Variants in CDH5 observed in about 807,000 individuals in gnomAD.
The protein encoded by CDH5 is cadherin-5.
CDH5 carries 28 observed loss-of-function variants against 62.0 expected under a neutral mutation model. That is an observed-to-expected ratio of 0.45 (90% CI 0.33 to 0.62). CDH5 has a LOEUF of 0.62. Among genes scored for constraint, CDH5 ranks in the 20% least tolerant of loss-of-function variants. The pLI, the probability that CDH5 is intolerant of heterozygous loss-of-function variation, is 0.02. For synonymous variants in CDH5, 464 were observed against 445.8 expected (o/e 1.04, Z -0.52); for missense variants, 940 against 1,065.1 (o/e 0.88, Z 1.63).
chr16:66,390,378 C>A, intron 5 of CDH5, 25 bp from the exon 6 acceptor site: 1 of 1,594,442 alleles, frequency 6.3e-7, no homozygotes, highest in East Asian at 2.2e-5. Context: ...ACCCAAAGCC[C>A]TTTGGGGTGC....
rs1466312476 is a variant in CDH5, at chr16:66,386,821, G to A, written c.223G>A (p.Val75Met). The A allele has an allele frequency of 2.5e-6, 4 of 1,609,612 alleles. No homozygotes were observed. Among genetic ancestry groups the A allele is most frequent in the African/African-American group, 2.7e-5 (2 of 74,866 alleles). ...TCTTCTTTTCTAGATCAAGTCAAGC[G>A]TGAGTCGCAAGAATGCCAAGTACCT... ...PHHVGKIKSS[V>M]SRKNAKYLLK... Residue 75 changes from valine to methionine, a missense_variant, in exon 3 of 12, where the codon GTG (valine) becomes ATG (methionine). Physicochemically the swap from Val to Met is conservative, Grantham distance 21. Coordinates refer to ENST00000341529, the MANE Select transcript of CDH5 (RefSeq NM_001795.5).
intron 3 of CDH5, 25 bp downstream of exon 3, chr16:66,387,122 T>TC (rs1961000593): frequency 6.3e-7 from 1 of 1,593,256 alleles, no homozygotes; most frequent in Non-Finnish European, 8.6e-7. Flanking sequence ...CACTCTGTCC[T>TC]CCTCCCTCCC....
chr16:66,373,049 C>T (rs1369262251), intron 1 of CDH5, among the ~76,000 whole-genome samples: 1 of 152,170 alleles, frequency 6.6e-6, no homozygotes, highest in African/African-American at 2.4e-5. Flanking sequence ...TCCCTGCTCA[C>T]CACTGTGATC....
intron 2 of CDH5, among the ~76,000 whole-genome samples, chr16:66,385,934 C>A (rs1960974862): frequency 6.6e-6 from 1 of 152,218 alleles, no homozygotes; most frequent in Non-Finnish European, 1.5e-5. Flanking sequence ...GCCAGCACAC[C>A]ACTGGCTAGG....
intron 1 of CDH5, chr16:66,379,108 G>A (rs892692696): frequency 2.8e-5 from 15 of 545,134 alleles, no homozygotes; most frequent in East Asian, 6.0e-5. Context: ...TCTTAAATGC[G>A]CTTGTTTACT....
intron 6 of CDH5, 139 bp from the exon 7 acceptor site, chr16:66,391,997 T>G: frequency 1.0e-6 from 1 of 990,260 alleles, no homozygotes; most frequent in Non-Finnish European, 1.5e-6. Context: ...CTCAGAAATA[T>G]CACTTGTCGA....
Position 66,398,687 on chromosome 16 carries a change from A to G in CDH5, c.1591+126A>G. 1.9e-5 allele frequency: 11 copies of G among 585,496 alleles called. No individual in the cohort carries two copies. In the South Asian group the frequency reaches 2.0e-4, roughly 11 times the overall value. 36.3% of individuals were successfully genotyped at this position (585,496 alleles called of 1,614,324 possible). A position where few individuals can be genotyped will look rare whatever the true frequency, so the allele number is the denominator to read the frequency against. On this transcript the variant is annotated intron_variant, in intron 10 of 11. Coordinates refer to ENST00000341529, the MANE Select transcript of CDH5 (RefSeq NM_001795.5). ...TTTGAGGCTGCAGTGAGCTATGATC[A>G]CATCACTGCACTCCAGCCCGGGCGA...
rs144031976 is a variant in CDH5, at chr16:66,375,972, G to A, written c.-19-3347G>A. ...AAATACAAAAAAAAATTGGCCGGGCGTGGTGTCACGCGCCTGTAATCCCAG... is the reference window on the plus strand; with the variant it reads ...AAATACAAAAAAAAATTGGCCGGGCATGGTGTCACGCGCCTGTAATCCCAG... On this transcript the variant is annotated intron_variant, in intron 1 of 11. Transcript: ENST00000341529. 6.4e-3 allele frequency among the ~76,000 whole-genome samples: 974 copies of A among 152,170 alleles called. 11 individuals are homozygous for A. Among genetic ancestry groups the A allele is most frequent in the Non-Finnish European group, 0.011 (739 of 67,974 alleles).
Position 66,388,361 on chromosome 16 carries a change from C to G in CDH5, c.537C>G (p.Asp179Glu). ...TCTCTGTGACAGCAGTGGATGCAGA[C>G]GACCCCACTGTGGGAGACCACGCCT... Reference protein sequence around the residue: ...SVISVTAVDADDPTVGDHASV... With the variant: ...SVISVTAVDAEDPTVGDHASV... Residue 179 changes from aspartate to glutamate, a missense_variant, in exon 4 of 12, where the codon GAC (aspartate) becomes GAG (glutamate). Physicochemically the swap from Asp to Glu is conservative, Grantham distance 45. Transcript: ENST00000341529. The G allele has an allele frequency of 6.2e-7, 1 of 1,613,784 alleles. No individual in the cohort carries two copies. Among genetic ancestry groups the G allele is most frequent in the Non-Finnish European group, 8.5e-7 (1 of 1,179,660 alleles).
At position 66,378,259 on chromosome 16, in the gene CDH5, A is replaced by G. The variant is rs145408554; in HGVS notation, c.-19-1060A>G. The stretch of plus-strand genomic sequence containing the variant: ...GAGAAGGCTTTAAATCTTACCCCAT[A>G]GCAGCTGCTGGGACAAGGGAAGTCA... On this transcript the variant is annotated intron_variant, in intron 1 of 11. Coordinates refer to ENST00000341529, the MANE Select transcript of CDH5 (RefSeq NM_001795.5). Among the ~76,000 whole-genome samples, 326 of 152,278 alleles carry G rather than the reference A, an allele frequency of 2.1e-3. 1 individual carries two copies. Among genetic ancestry groups the G allele is most frequent in the Non-Finnish European group, 2.8e-3 (190 of 68,018 alleles).
rs532656789 is a variant in CDH5, at chr16:66,398,097, C to T, written c.1476C>T (p.Val492=). The T allele has an allele frequency of 2.5e-6, 4 of 1,614,198 alleles. No individual in the cohort carries two copies. In the South Asian group the frequency reaches 4.4e-5, roughly 18 times the overall value. Residue 492 remains valine (V), a synonymous_variant, in exon 9 of 12, where the codon GTC becomes GTT. Transcript: ENST00000341529. Reference sequence around the variant, plus strand: ...AGCCCAAAGTGTGTGAGAACGCTGTCCATGGCCAGGTGAGTCTGGTTCAGG... The same window carrying T: ...AGCCCAAAGTGTGTGAGAACGCTGTTCATGGCCAGGTGAGTCTGGTTCAGG... ...PYQPKVCENA[V]HGQLVLQISA... is the part of the protein sequence containing the mutation.
At chr16:66,395,021 T>TC (rs1567467175) in intron 7 of CDH5, among the ~76,000 whole-genome samples, 1 of 44,528 alleles carries the variant, frequency 2.2e-5, no homozygotes. Context: ...GGCTAATCTT[T>TC]TTTTTTTTTT....
chr16:66,403,279 C>T lies in CDH5; in HGVS notation c.*110C>T, dbSNP rs1961332112. 1.0e-6 allele frequency: 1 copy of T among 991,886 alleles called. No homozygotes were observed. The highest frequency in any genetic ancestry group is 1.5e-6 in the Non-Finnish European group (1 of 682,744). The allele number at this position is 991,886 out of a possible 1,614,324, so 61.4% of individuals were successfully genotyped here. ...TGGCAGTGACTCCCCAGCCCAGCAC[C>T]CCTTCCTCGTGGGTCCCAGAGACCT... is the stretch of plus-strand genomic sequence containing the variant. On this transcript the variant is annotated 3_prime_UTR_variant, in exon 12 of 12. Coordinates refer to ENST00000341529, the MANE Select transcript of CDH5 (RefSeq NM_001795.5). The surrounding 1 kb of genome is among the most constrained non-coding windows in gnomAD (Gnocchi z 4.3).
intron 1 of CDH5, among the ~76,000 whole-genome samples, chr16:66,375,098 A>G (rs1189385470): frequency 6.6e-6 from 1 of 152,106 alleles, no homozygotes; most frequent in Non-Finnish European, 1.5e-5. Flanking sequence ...CCTGCCGCAC[A>G]CCTAGGCTGT....
At chr16:66,385,520 G>C (rs1395524295) in intron 2 of CDH5, among the ~76,000 whole-genome samples, 1 of 152,142 alleles carries the variant, frequency 6.6e-6, no homozygotes, top group African/African-American at 2.4e-5. Context: ...TGGGCCCAGG[G>C]GTGTGCTGAT....
intron 2 of CDH5, among the ~76,000 whole-genome samples, chr16:66,382,732 A>T (rs981603889): frequency 2.0e-5 from 3 of 152,146 alleles, no homozygotes; most frequent in South Asian, 2.1e-4. Flanking sequence ...AGGGGTCGTC[A>T]CGCTGGGAAG....
chr16:66,373,991 A>G (rs1960739494), intron 1 of CDH5, among the ~76,000 whole-genome samples: 1 of 152,068 alleles, frequency 6.6e-6, no homozygotes, highest in South Asian at 2.1e-4. Flanking sequence ...AGATAGAGAG[A>G]GTGGCATGAC....
rs570978285 is a variant in CDH5, at chr16:66,387,053, C to T, written c.455C>T (p.Thr152Met). 70 of 1,614,138 alleles carry T rather than the reference C, an allele frequency of 4.3e-5. 1 individual carries two copies. In the East Asian group the frequency reaches 1.4e-3, roughly 31 times the overall value. Residue 152 changes from threonine to methionine, a missense_variant, in exon 3 of 12, where the codon ACG becomes ATG. Coordinates refer to ENST00000341529, the MANE Select transcript of CDH5 (RefSeq NM_001795.5). ...GTGAACGACAACTGGCCTGTGTTCACGCATCGGTTGTTCAATGCGTCCGTG... is the reference window on the plus strand; with the variant it reads ...GTGAACGACAACTGGCCTGTGTTCATGCATCGGTTGTTCAATGCGTCCGTG... Reference protein sequence around the residue: ...HDVNDNWPVFTHRLFNASVPE... With the variant: ...HDVNDNWPVFMHRLFNASVPE...
chr16:66,374,111 C>T (rs1433835976), intron 1 of CDH5, among the ~76,000 whole-genome samples: 1 of 152,216 alleles, frequency 6.6e-6, no homozygotes, highest in African/African-American at 2.4e-5. Context: ...GCCCCCATTT[C>T]TTTACCTGCA....
Sources: gnomAD v4.1 joint callset for allele counts (sites outside exome capture counted in the v4.1 genomes callset) on GRCh38, gnomAD v4.1.1 for gene constraint, Gnocchi (gnomAD v3.1) non-coding constraint, MANE v1.5 for transcripts, NCBI Gene and HGNC (gene_info 2026-07-23, HGNC 2026-07-21) for gene names.